Variants in BRIP1 observed in about 807,000 individuals in gnomAD.
BRIP1 encodes BRCA1 interacting DNA helicase 1, also known as Fanconi anemia group J protein.
In BRIP1, 88 loss-of-function variants were observed where a neutral mutation model predicts 119.7. That is an observed-to-expected ratio of 0.74 (90% CI 0.62 to 0.88). The LOEUF is 0.88. Among genes scored for constraint, BRIP1 ranks in the 40% least tolerant of loss-of-function variants. The pLI is 0.00. For missense variants in BRIP1, 1,259 were observed against 1,455.4 expected, an observed-to-expected ratio of 0.87 and a Z score of 2.20; for synonymous variants, 443 against 496.5, an observed-to-expected ratio of 0.89 and a Z score of 1.43.
chr17:61,731,952 CTTTT>C (rs1170823788), intron 16 of BRIP1, among the ~76,000 whole-genome samples: 1 of 131,526 alleles, frequency 7.6e-6, no homozygotes, highest in South Asian at 2.5e-4. Flanking sequence ...TGAATAGTTG[CTTTT>C]TTTCTTTTCT....
rs1184569745 is a variant in BRIP1, at chr17:61,860,453, A to G, written c.94-546T>C. ...GGCAGGTGGATCATTTGAGGTCAGG[A>G]GTTCGAGACCAGCCTGGCCAACACG... On this transcript the variant is annotated intron_variant, in intron 2 of 19. Coordinates refer to ENST00000259008, the MANE Select transcript of BRIP1 (RefSeq NM_032043.3). The surrounding 1 kb of genome is among the most constrained non-coding windows in gnomAD (Gnocchi z 4.1). Among the ~76,000 whole-genome samples the G allele has an allele frequency of 3.9e-5, 6 of 152,144 alleles. No homozygotes were observed. In the East Asian group the frequency reaches 1.2e-3, roughly 29 times the overall value.
rs561209726 is a variant in BRIP1, at chr17:61,691,999, A to G, written c.2575+1431T>C. ...TTCAACAGGGTGTCATTGGGGATTG[A>G]TATGCTTTGGTTATTTGTTTCCTCC... is the stretch of plus-strand genomic sequence containing the variant. On this transcript the variant is annotated intron_variant, in intron 18 of 19. Transcript: ENST00000259008. This position sits in a 1 kb window ranked among gnomAD's most constrained non-coding sequence, Gnocchi z 5.0. Among the ~76,000 whole-genome samples, 7 of 152,058 alleles carry G rather than the reference A, an allele frequency of 4.6e-5. No individual in the cohort carries two copies. In the South Asian group the frequency reaches 8.3e-4, roughly 18 times the overall value.
intron 14 of BRIP1, among the ~76,000 whole-genome samples, chr17:61,765,901 A>G (rs2077367021): frequency 6.6e-6 from 1 of 151,574 alleles, no homozygotes; most frequent in African/African-American, 2.4e-5. Flanking sequence ...TTACTTTCCA[A>G]CTGCCCTACT....
rs192171178 is a variant in BRIP1, at chr17:61,776,212, G to T, written c.2097+189C>A. ...CTTTCAGACTTTTAAGTAAAACAGA[G>T]GTAGGACAATCAGGCAGTATCTTAA... is the stretch of plus-strand genomic sequence containing the variant. On this transcript the variant is annotated intron_variant, in intron 14 of 19. Coordinates refer to ENST00000259008, the MANE Select transcript of BRIP1 (RefSeq NM_032043.3). This position sits in a 1 kb window ranked among gnomAD's most constrained non-coding sequence, Gnocchi z 5.0. The T allele has an allele frequency of 1.1e-5, 7 of 643,500 alleles. No individual in the cohort carries two copies. In the East Asian group the frequency reaches 1.8e-4, roughly 16 times the overall value. The allele number at this position is 643,500 out of a possible 1,614,324, so 39.9% of individuals were successfully genotyped here.
intron 5 of BRIP1, 110 bp downstream of exon 5, chr17:61,849,019 G>T (rs2078775031): frequency 8.6e-7 from 1 of 1,160,438 alleles, no homozygotes; most frequent in African/African-American, 1.5e-5. Flanking sequence ...TTAATTTATG[G>T]CTGTCACATG....
intron 5 of BRIP1, 80 bp from the exon 6 acceptor site, chr17:61,847,300 T>C: frequency 1.3e-6 from 2 of 1,485,260 alleles, no homozygotes; most frequent in Non-Finnish European, 1.9e-6. Flanking sequence ...CCAAAACAGC[T>C]CTATGTATTT....
intron 19 of BRIP1, chr17:61,685,379 G>T (rs2061345069): frequency 6.3e-6 from 1 of 157,748 alleles, no homozygotes; most frequent in Non-Finnish European, 1.4e-5. Context: ...AAGTTCATAA[G>T]AACTATCTAT....
Position 61,729,992 on chromosome 17 carries a change from G to T in BRIP1, c.2379+13021C>A, listed in dbSNP as rs1301750503. Among the ~76,000 whole-genome samples the T allele has an allele frequency of 6.6e-6, 1 of 152,206 alleles. No individual in the cohort carries two copies. The highest frequency in any genetic ancestry group is 1.5e-5 in the Non-Finnish European group (1 of 68,040). On this transcript the variant is annotated intron_variant, in intron 16 of 19. Transcript: ENST00000259008. The surrounding 1 kb of genome is among the most constrained non-coding windows in gnomAD (Gnocchi z 5.6). The stretch of plus-strand genomic sequence containing the variant: ...CAGTCCAAAATGTCAATAGTGCCAA[G>T]TTTGAGAAACACAGCTTGAAAGTAA...
Position 61,748,383 on chromosome 17 carries a change from A to G in BRIP1, c.2098-3792T>C, listed in dbSNP as rs2077086870. Among the ~76,000 whole-genome samples the G allele has an allele frequency of 6.6e-6, 1 of 152,238 alleles. No individual in the cohort carries two copies. The highest frequency in any genetic ancestry group is 2.1e-4 in the South Asian group (1 of 4,836). On this transcript the variant is annotated intron_variant, in intron 14 of 19. Coordinates refer to ENST00000259008, the MANE Select transcript of BRIP1 (RefSeq NM_032043.3). This position sits in a 1 kb window ranked among gnomAD's most constrained non-coding sequence, Gnocchi z 4.7. ...CCTGGTGCTAAGAAGGTTGGGGACC[A>G]TTGATTTTAAAGACTAATACAAATG...
At position 61,722,713 on chromosome 17, in the gene BRIP1, T is replaced by G. The variant is rs2062001966; in HGVS notation, c.2380-6650A>C. ...TGCTCTAGGACGTATTAGTTATAAA[T>G]GGAATATTTAGAGTGAATGTAGCAA... On this transcript the variant is annotated intron_variant, in intron 16 of 19. Transcript: ENST00000259008. The surrounding 1 kb of genome is among the most constrained non-coding windows in gnomAD (Gnocchi z 4.6). 6.6e-6 allele frequency among the ~76,000 whole-genome samples: 1 copy of G among 152,174 alleles called. No individual in the cohort carries two copies. The highest frequency in any genetic ancestry group is 1.5e-5 in the Non-Finnish European group (1 of 68,016).
In BRIP1 at chr17:61,786,918, A is replaced by AT. The variant is rs1555604331; in HGVS notation, c.1474-2495_1474-2494insA. ...ATTTTATATATAATGTAAATATAAAAATATATATTTATATATAATATATTT... is the reference window on the plus strand; with the variant it reads ...ATTTTATATATAATGTAAATATAAAATATATATATTTATATATAATATATTT... On this transcript the variant is annotated intron_variant, in intron 10 of 19. Coordinates refer to ENST00000259008, the MANE Select transcript of BRIP1 (RefSeq NM_032043.3). Among the ~76,000 whole-genome samples the AT allele has an allele frequency of 2.6e-4, 11 of 42,174 alleles. No homozygotes were observed. The East Asian group carries it at 8.8e-3, about 34-fold the overall frequency. The allele number at this position is 42,174 out of a possible 152,430, so 27.7% of individuals were successfully genotyped here. A position where few individuals can be genotyped will look rare whatever the true frequency, so the allele number is the denominator to read the frequency against.
At chr17:61,749,846 T>C (rs974210740) in intron 14 of BRIP1, among the ~76,000 whole-genome samples, 1 of 152,254 alleles carries the variant, frequency 6.6e-6, no homozygotes. Flanking sequence ...AGACAGTTTG[T>C]TGTCAGTGTA....
In BRIP1 at chr17:61,816,506, T is replaced by C. The variant is rs142744920; in HGVS notation, c.628-7749A>G. Among the ~76,000 whole-genome samples the C allele has an allele frequency of 2.6e-5, 4 of 152,326 alleles. No individual in the cohort carries two copies. Among genetic ancestry groups the C allele is most frequent in the African/African-American group, 9.6e-5 (4 of 41,568 alleles). On this transcript the variant is annotated intron_variant, in intron 6 of 19. Coordinates refer to ENST00000259008, the MANE Select transcript of BRIP1 (RefSeq NM_032043.3). This position sits in a 1 kb window ranked among gnomAD's most constrained non-coding sequence, Gnocchi z 5.0. The stretch of plus-strand genomic sequence containing the variant: ...ACTTACTGTTTACTTTCTTGCCTAG[T>C]GTAAATGGGAATTCCTTAACACAGT...
Position 61,778,667 on chromosome 17 carries a change from A to G in BRIP1, c.1935+1594T>C, listed in dbSNP as rs2077570960. Among the ~76,000 whole-genome samples the G allele has an allele frequency of 6.6e-6, 1 of 152,226 alleles. No homozygotes were observed. The highest frequency in any genetic ancestry group is 1.5e-5 in the Non-Finnish European group (1 of 68,036). ...ATTCTTATGAGAAAACGTATGCTGA[A>G]TTTACCAACTTCCCATATTTATCTG... On this transcript the variant is annotated intron_variant, in intron 13 of 19. Transcript: ENST00000259008. This position sits in a 1 kb window ranked among gnomAD's most constrained non-coding sequence, Gnocchi z 4.4.
At position 61,745,281 on chromosome 17, in the gene BRIP1, A is replaced by T. The variant is rs2077044250; in HGVS notation, c.2098-690T>A. Among the ~76,000 whole-genome samples, 1 of 152,250 alleles carries T rather than the reference A, an allele frequency of 6.6e-6. No homozygotes were observed. Among genetic ancestry groups the T allele is most frequent in the Admixed American group, 6.5e-5 (1 of 15,286 alleles). On this transcript the variant is annotated intron_variant, in intron 14 of 19. Transcript: ENST00000259008. The surrounding 1 kb of genome is among the most constrained non-coding windows in gnomAD (Gnocchi z 4.4). The stretch of plus-strand genomic sequence containing the variant: ...AAGCAATCCTTATCATATTGATCAC[A>T]TATTTCAACAGTTATGCCATGGTAG...
chr17:61,838,713 A>T (rs1483062812), intron 6 of BRIP1, among the ~76,000 whole-genome samples: 1 of 151,878 alleles, frequency 6.6e-6, no homozygotes, highest in African/African-American at 2.4e-5. Flanking sequence ...CAAGGTCTAG[A>T]TTAAAATACA....
In BRIP1 at chr17:61,772,980, G is replaced by GT. The variant is rs773602354; in HGVS notation, c.2097+3420dup. Among the ~76,000 whole-genome samples, 85 of 151,956 alleles carry GT rather than the reference G, an allele frequency of 5.6e-4. 1 individual carries two copies. In the East Asian group the frequency reaches 0.015, roughly 26 times the overall value. ...GAGTAGTATAGTGAAGGGAGCTGTT[G>GT]TTTTTTCATTATAACCATTCTAACA... On this transcript the variant is annotated intron_variant, in intron 14 of 19. Transcript: ENST00000259008.
At chr17:61,833,841 G>A (rs937004071) in intron 6 of BRIP1, among the ~76,000 whole-genome samples, 2 of 152,068 alleles carry the variant, frequency 1.3e-5, no homozygotes, top group African/African-American at 4.8e-5. Flanking sequence ...TATAGAACGG[G>A]CTGGCAAACT....
Position 61,761,403 on chromosome 17 carries a change from T to G in BRIP1, c.2097+14998A>C, listed in dbSNP as rs76423022. ...CCACTTAACACAGTACTGAAGTCCT[T>G]GCCAGAAAAATTTAGAAAGAGAAAG... is the stretch of plus-strand genomic sequence containing the variant. On this transcript the variant is annotated intron_variant, in intron 14 of 19. Transcript: ENST00000259008. This position sits in a 1 kb window ranked among gnomAD's most constrained non-coding sequence, Gnocchi z 6.4. Among the ~76,000 whole-genome samples, 4,990 of 151,880 alleles carry G rather than the reference T, an allele frequency of 0.033. 310 individuals are homozygous for G. The highest frequency in any genetic ancestry group is 0.11 in the African/African-American group (4,704 of 41,426).
Sources: gnomAD v4.1 joint callset for allele counts (sites outside exome capture counted in the v4.1 genomes callset) on GRCh38, gnomAD v4.1.1 for gene constraint, Gnocchi (gnomAD v3.1) non-coding constraint, MANE v1.5 for transcripts, NCBI Gene and HGNC (gene_info 2026-07-23, HGNC 2026-07-21) for gene names.